The following NUMA1 variants were observed in gnomAD, a reference collection of about 807,000 sequenced individuals.
The protein encoded by NUMA1 is SP-H antigen.
A neutral mutation model predicts 237.1 loss-of-function variants in NUMA1; 62 were observed. That is an observed-to-expected ratio of 0.26 (90% CI 0.21 to 0.32). The LOEUF is 0.32. Among genes scored for constraint, NUMA1 ranks in the 10% least tolerant of loss-of-function variants. The probability of loss-of-function intolerance (pLI) is 1.00; values close to 1 mark genes in which losing one functional copy is unlikely to be tolerated. For missense variants in NUMA1, 2,533 were observed against 2,666.5 expected (o/e 0.95, Z 1.10); for synonymous variants, 1,028 against 1,066.1 (o/e 0.96, Z 0.70).
At chr11:72,075,895 T>C (rs1943683037) in intron 1 of NUMA1, among the ~76,000 whole-genome samples, 1 of 152,178 alleles carries the variant, frequency 6.6e-6, no homozygotes, top group Non-Finnish European at 1.5e-5. Flanking sequence ...ATGGAATTTG[T>C]AACACCCTCA....
At chr11:72,044,834 A>AT (rs901575595) in intron 2 of NUMA1, among the ~76,000 whole-genome samples, 2 of 151,690 alleles carry the variant, frequency 1.3e-5, no homozygotes, top group African/African-American at 2.4e-5. Flanking sequence ...TGCCCAGCTG[A>AT]TTTTTTTATT....
chr11:72,006,210 C>A lies in NUMA1; in HGVS notation c.5517G>T (p.Arg1839=), dbSNP rs140742013. The A allele has an allele frequency of 3.1e-5, 50 of 1,614,026 alleles. No homozygotes were observed. Among genetic ancestry groups the A allele is most frequent in the Non-Finnish European group, 4.0e-5 (47 of 1,180,038 alleles). The change falls in exon 22 of 27, where the codon CGG becomes CGT. Residue 1839 remains arginine, a synonymous_variant. Coordinates refer to ENST00000393695, the MANE Select transcript of NUMA1 (RefSeq NM_006185.4). ...DSANSSFYST[R]SAPASQASLR... ...GGCTAGCCTGGGAAGCAGGAGCAGA[C>A]CGCGTGCTGTAGAACGATGAGTTGG...
intron 2 of NUMA1, among the ~76,000 whole-genome samples, chr11:72,056,750 G>C (rs1942677661): frequency 6.6e-6 from 1 of 150,632 alleles, no homozygotes; most frequent in East Asian, 1.9e-4. Flanking sequence ...GCTACATATA[G>C]GACATCTACC....
intron 2 of NUMA1, among the ~76,000 whole-genome samples, chr11:72,056,301 G>A (rs1022074243): frequency 6.7e-6 from 1 of 150,028 alleles, no homozygotes; most frequent in Admixed American, 6.7e-5. Flanking sequence ...CCCAGCCTGA[G>A]TGACGCAGCA....
rs368133521 is a variant in NUMA1 at position 72,015,790 on chromosome 11, C to T, written c.1713G>A (p.Ala571=). ...KQKEQQLKEV[A]EKQEATRQDH... ...CCTGCCTAGTTGCCTCCTGCTTCTC[C>T]GCTACCTCCTTCAACTGCTGCTCCT... is the stretch of plus-strand genomic sequence containing the variant. The change falls in exon 15 of 27, where the codon GCG becomes GCA. Residue 571 remains alanine, a synonymous_variant. Coordinates refer to ENST00000393695, the MANE Select transcript of NUMA1 (RefSeq NM_006185.4). The surrounding 1 kb of genome is among the most constrained non-coding windows in gnomAD (Gnocchi z 4.0). The T allele has an allele frequency of 2.8e-5, 45 of 1,614,098 alleles. No homozygotes were observed. Among genetic ancestry groups the T allele is most frequent in the African/African-American group, 1.1e-4 (8 of 74,936 alleles).
intron 15 of NUMA1, 99 bp downstream of exon 15, chr11:72,012,796 A>G: frequency 6.7e-7 from 1 of 1,486,770 alleles, no homozygotes. Flanking sequence ...AAGGCAAGAC[A>G]CTCCAGTGTA....
At position 72,022,296 on chromosome 11, in the gene NUMA1, A is replaced by G. The variant is rs751219574; in HGVS notation, c.372+43T>C. 13 of 1,363,144 alleles carry G rather than the reference A, an allele frequency of 9.5e-6. No homozygotes were observed. The South Asian group carries it at 1.6e-4, about 17-fold the overall frequency. The allele number at this position is 1,363,144 out of a possible 1,614,324, so 84.4% of individuals were successfully genotyped here. Reference sequence around the variant, plus strand: ...AAAAACAAGTCAGGTGAGGTGAAGCATGGGCTAGGCCTGCTAGGTGGCATG... The same window carrying G: ...AAAAACAAGTCAGGTGAGGTGAAGCGTGGGCTAGGCCTGCTAGGTGGCATG... On this transcript the variant is annotated intron_variant, in intron 7 of 26. Transcript: ENST00000393695.
chr11:72,056,660 A>AG (rs1942670469), intron 2 of NUMA1, among the ~76,000 whole-genome samples: 2 of 138,898 alleles, frequency 1.4e-5, no homozygotes, highest in African/African-American at 5.2e-5. Flanking sequence ...AAAAAAAAAA[A>AG]GGCAAGCCAA....
intron 2 of NUMA1, chr11:72,067,959 C>T (rs1943273248): frequency 6.6e-6 from 1 of 152,230 alleles, no homozygotes; most frequent in Admixed American, 6.5e-5. Flanking sequence ...AGCCCCTAGG[C>T]TTGACCCCTT....
In NUMA1 at chr11:72,003,470, G is replaced by A. The variant is rs1443377634; in HGVS notation, c.*57C>T. 1.3e-6 allele frequency: 2 copies of A among 1,555,322 alleles called. No individual in the cohort carries two copies. The highest frequency in any genetic ancestry group is 2.7e-5 in the African/African-American group (2 of 73,948). ...GCACTGAGAGGGACAGTAGGCGGAG[G>A]ACCAGGTGAGGTCAGCATCGGGGAC... On this transcript the variant is annotated 3_prime_UTR_variant, in exon 27 of 27. Transcript: ENST00000393695.
At position 72,014,084 on chromosome 11, in the gene NUMA1, T is replaced by G. The variant is rs1275864932; in HGVS notation, c.3419A>C (p.Gln1140Pro). The change falls in exon 15 of 27, where the codon CAG becomes CCG. Residue 1140 changes from glutamine to proline, a missense_variant. Transcript: ENST00000393695. This position sits in a 1 kb window ranked among gnomAD's most constrained non-coding sequence, Gnocchi z 4.6. The stretch of plus-strand genomic sequence containing the variant: ...GCGTTCCAGGCTGTCAGCCTGCTCC[T>G]GCTGCTTCTGGCATTGCTGTTCCAG... ...SKLEQQCQKQ[Q>P]EQADSLERSL... is the part of the protein sequence containing the mutation. 8 of 1,610,950 alleles carry G rather than the reference T, an allele frequency of 5.0e-6. No homozygotes were observed. The African/African-American group carries it at 9.3e-5, about 19-fold the overall frequency.
At chr11:72,074,562 G>C (rs922323579) in intron 1 of NUMA1, among the ~76,000 whole-genome samples, 1 of 149,634 alleles carries the variant, frequency 6.7e-6, no homozygotes. Flanking sequence ...AACATAGTGA[G>C]ACCTCGTCTC....
At chr11:72,049,596 G>GTGTA (rs554712228) in intron 2 of NUMA1, 4 of 64,706 alleles carry the variant, frequency 6.2e-5, no homozygotes, top group East Asian at 4.7e-4. Flanking sequence ...GTGTGTGTGT[G>GTGTA]TATATATATA....
intron 1 of NUMA1, among the ~76,000 whole-genome samples, chr11:72,075,607 CTTTG>C (rs1943669686): frequency 6.6e-6 from 1 of 152,218 alleles, no homozygotes; most frequent in South Asian, 2.1e-4. Flanking sequence ...ACCTTCCTCC[CTTTG>C]TTTTTCAGTC....
In NUMA1 at chr11:72,044,470, C is replaced by T. The variant is rs542360669; in HGVS notation, c.-32-8495G>A. On this transcript the variant is annotated intron_variant, in intron 2 of 26. Coordinates refer to ENST00000393695, the MANE Select transcript of NUMA1 (RefSeq NM_006185.4). ...TTCTGCCTGGAGCAGGAGACTGGAT[C>T]CTCTGTCTGTCTGCCTTCTTCCCAT... 2.0e-5 allele frequency among the ~76,000 whole-genome samples: 3 copies of T among 152,118 alleles called. No homozygotes were observed. The East Asian group carries it at 5.8e-4, about 29-fold the overall frequency.
chr11:72,007,697 C>A, intron 20 of NUMA1: 1 of 525,106 alleles, frequency 1.9e-6, no homozygotes, highest in Non-Finnish European at 3.4e-6. Flanking sequence ...CCCATGGCTG[C>A]TTCACAGCAA....
intron 2 of NUMA1, among the ~76,000 whole-genome samples, chr11:72,061,594 G>A (rs576261491): frequency 4.9e-5 from 7 of 143,778 alleles, no homozygotes; most frequent in East Asian, 2.1e-4. Flanking sequence ...AGGCTCAAGC[G>A]ATCCTCCTTC....
rs1409301442 is a variant in NUMA1, at chr11:72,068,262, T to TCCCTCAACACACTTGTGTTTCAG, written c.-33+1557_-33+1579dup. On this transcript the variant is annotated intron_variant, in intron 2 of 26. Coordinates refer to ENST00000393695, the MANE Select transcript of NUMA1 (RefSeq NM_006185.4). ...GAGCAACATGTTGAAACACACTTGTTCCCTCAACACACTTGTGTTTCAGCC... is the reference window on the plus strand; with the variant it reads ...GAGCAACATGTTGAAACACACTTGTTCCCTCAACACACTTGTGTTTCAGCCCTCAACACACTTGTGTTTCAGCC... The TCCCTCAACACACTTGTGTTTCAG allele has an allele frequency of 4.6e-5, 7 of 152,340 alleles. No homozygotes were observed. The South Asian group carries it at 1.2e-3, about 27-fold the overall frequency. The allele number at this position is 152,340 out of a possible 1,614,324, so 9.4% of individuals were successfully genotyped here.
chr11:72,004,463 A>G, intron 24 of NUMA1, 122 bp from the exon 25 acceptor site: 3 of 1,218,680 alleles, frequency 2.5e-6, no homozygotes, highest in Non-Finnish European at 3.5e-6. Flanking sequence ...TCCCCTTCCC[A>G]ACTCTGGGCC....
Sources: gnomAD v4.1 joint callset for allele counts (sites outside exome capture counted in the v4.1 genomes callset) on GRCh38, gnomAD v4.1.1 for gene constraint, Gnocchi (gnomAD v3.1) non-coding constraint, MANE v1.5 for transcripts, NCBI Gene and HGNC (gene_info 2026-07-23, HGNC 2026-07-21) for gene names.